Variants in STK33 observed in about 807,000 individuals in gnomAD.
The protein encoded by STK33 is serine/threonine kinase 33, also known as serine/threonine-protein kinase 33.
Under a neutral mutation model 58.0 loss-of-function variants are expected in STK33, and 52 were observed. The observed-to-expected ratio is 0.90, with a 90% CI of 0.72 to 1.13. The LOEUF (loss-of-function observed/expected upper bound fraction) is 1.13, where lower values mean the gene tolerates loss of function less well. Among genes scored for constraint, STK33 ranks in the 50% most tolerant of loss-of-function variants. The probability of loss-of-function intolerance (pLI) is 0.00; values close to 1 mark genes in which losing one functional copy is unlikely to be tolerated. For synonymous variants in STK33, 215 were observed against 200.1 expected (o/e 1.07, Z -0.63); for missense variants, 630 against 604.2 (o/e 1.04, Z -0.45).
chr11:8,482,250 A>G (rs1173317261), intron 1 of STK33, among the ~76,000 whole-genome samples: 4 of 152,212 alleles, frequency 2.6e-5, no homozygotes, highest in Non-Finnish European at 4.4e-5. Context: ...AGGAAAGAAG[A>G]GAAGAGTGCA....
intron 1 of STK33, among the ~76,000 whole-genome samples, chr11:8,557,764 T>C (rs1407571008): frequency 6.6e-6 from 1 of 151,530 alleles, no homozygotes; most frequent in Non-Finnish European, 1.5e-5. Context: ...TCAAAAAAGA[T>C]AACTAAGCTT....
intron 1 of STK33, among the ~76,000 whole-genome samples, chr11:8,519,669 C>T (rs1046440247): frequency 2.0e-5 from 3 of 152,150 alleles, no homozygotes; most frequent in East Asian, 1.9e-4. Context: ...ATATCACCAC[C>T]GATCCCACAG....
chr11:8,592,469 C>T (rs1165898159), intron 1 of STK33, among the ~76,000 whole-genome samples: 1 of 152,070 alleles, frequency 6.6e-6, no homozygotes, highest in African/African-American at 2.4e-5. Flanking sequence ...AATAATAATG[C>T]TAATATGGGT....
At chr11:8,420,524 C>T (rs572208202) in intron 14 of STK33, among the ~76,000 whole-genome samples, 2 of 152,290 alleles carry the variant, frequency 1.3e-5, no homozygotes, top group East Asian at 1.9e-4. Context: ...TTCTAAACCA[C>T]GCAACTACAA....
At chr11:8,486,169 A>G (rs905176950) in intron 1 of STK33, among the ~76,000 whole-genome samples, 1 of 152,168 alleles carries the variant, frequency 6.6e-6, no homozygotes, top group African/African-American at 2.4e-5. Context: ...TACTCTTTCT[A>G]ATATGCAAAT....
rs527466895 is a variant in STK33 at position 8,443,008 on chromosome 11, T to C, written c.872-2255A>G. ...ACTTTCTGGGGTGACAGAAATGTTC[T>C]ATGACTTGAACATAATGGGGTAGTG... On this transcript the variant is annotated intron_variant, in intron 11 of 15. Coordinates refer to ENST00000687296, the MANE Select transcript of STK33 (RefSeq NM_001352389.2). 9.8e-5 allele frequency among the ~76,000 whole-genome samples: 15 copies of C among 152,352 alleles called. No homozygotes were observed. The South Asian group carries it at 1.2e-3, about 13-fold the overall frequency.
At chr11:8,455,612 T>C (rs924912632) in intron 9 of STK33, among the ~76,000 whole-genome samples, 1 of 151,528 alleles carries the variant, frequency 6.6e-6, no homozygotes, top group Non-Finnish European at 1.5e-5. Flanking sequence ...ATCAAGACCA[T>C]CCTGGCTAAC....
intron 11 of STK33, among the ~76,000 whole-genome samples, chr11:8,445,708 C>T (rs2136612629): frequency 6.6e-6 from 1 of 152,294 alleles, no homozygotes; most frequent in South Asian, 2.1e-4. Context: ...GTTGAACCAG[C>T]CTTGCATCCC....
At chr11:8,555,850 T>C (rs1200490505) in intron 1 of STK33, among the ~76,000 whole-genome samples, 1 of 151,938 alleles carries the variant, frequency 6.6e-6, no homozygotes, top group Non-Finnish European at 1.5e-5. Flanking sequence ...TTAAAAATAA[T>C]AAGTTTTTTA....
intron 15 of STK33, among the ~76,000 whole-genome samples, chr11:8,393,764 T>C (rs1468531301): frequency 1.3e-5 from 2 of 152,216 alleles, no homozygotes; most frequent in African/African-American, 4.8e-5. Context: ...ATCATTCAGG[T>C]TCTTGTGATG....
At chr11:8,455,997 C>A (rs1041022142) in intron 9 of STK33, among the ~76,000 whole-genome samples, 2 of 152,076 alleles carry the variant, frequency 1.3e-5, no homozygotes, top group Non-Finnish European at 2.9e-5. Flanking sequence ...TACCACACAG[C>A]TTTAACAAAC....
Position 8,577,843 on chromosome 11 carries a change from T to C in STK33, c.-466+16240A>G, listed in dbSNP as rs1208838472. Among the ~76,000 whole-genome samples, 5 of 152,148 alleles carry C rather than the reference T, an allele frequency of 3.3e-5. No homozygotes were observed. In the South Asian group the frequency reaches 1.0e-3, roughly 31 times the overall value. Reference sequence around the variant, plus strand: ...CCTCCTTTTGCCCATTTTCTGGATATACTCAATGGTAACAGAGCCATTGTA... The same window carrying C: ...CCTCCTTTTGCCCATTTTCTGGATACACTCAATGGTAACAGAGCCATTGTA... On this transcript the variant is annotated intron_variant, in intron 1 of 15. Coordinates refer to ENST00000687296, the MANE Select transcript of STK33 (RefSeq NM_001352389.2).
intron 1 of STK33, among the ~76,000 whole-genome samples, chr11:8,493,152 T>G (rs912711730): frequency 6.6e-6 from 1 of 151,762 alleles, no homozygotes; most frequent in Non-Finnish European, 1.5e-5. Context: ...AATCAATGAA[T>G]CTGGGAGCTG....
At chr11:8,493,303 A>G (rs1181496768) in intron 1 of STK33, among the ~76,000 whole-genome samples, 1 of 152,206 alleles carries the variant, frequency 6.6e-6, no homozygotes, top group Non-Finnish European at 1.5e-5. Context: ...CTACCATCAG[A>G]GAATACTGTA....
At chr11:8,499,511 G>A (rs187406080) in intron 1 of STK33, among the ~76,000 whole-genome samples, 203 of 152,248 alleles carry the variant, frequency 1.3e-3, no homozygotes, top group African/African-American at 4.7e-3. Context: ...AAGACAGAGT[G>A]GCAATTCCTC....
At chr11:8,357,027 G>A in the STK33 span, among the ~76,000 whole-genome samples, 1 of 152,214 alleles carries the variant, frequency 6.6e-6, no homozygotes, top group African/African-American at 2.4e-5. Flanking sequence ...CAGTTGTGCA[G>A]CCTGAGGTCC....
At chr11:8,464,158 G>A (rs898015941) in intron 7 of STK33, among the ~76,000 whole-genome samples, 17 of 152,124 alleles carry the variant, frequency 1.1e-4, no homozygotes, top group African/African-American at 2.9e-4. Flanking sequence ...AGATTTTATC[G>A]TCAAGAGAAG....
At chr11:8,426,099 T>G (rs961952144) in intron 14 of STK33, among the ~76,000 whole-genome samples, 1 of 152,182 alleles carries the variant, frequency 6.6e-6, no homozygotes, top group Non-Finnish European at 1.5e-5. Flanking sequence ...CTAGCCTTGG[T>G]GTACTGGAAG....
intron 1 of STK33, among the ~76,000 whole-genome samples, chr11:8,493,414 G>C (rs935021354): frequency 3.3e-5 from 5 of 152,220 alleles, no homozygotes; most frequent in African/African-American, 1.2e-4. Context: ...TTCAATCTCT[G>C]AATAGACCAA....
Sources: gnomAD v4.1 joint callset for allele counts (sites outside exome capture counted in the v4.1 genomes callset) on GRCh38, gnomAD v4.1.1 for gene constraint, MANE v1.5 for transcripts, NCBI Gene and HGNC (gene_info 2026-07-23, HGNC 2026-07-21) for gene names.